Variants in IPO11 observed in about 807,000 individuals in gnomAD.
IPO11 encodes importin-11.
In IPO11, 66 loss-of-function variants were observed where a neutral mutation model predicts 143.2. The observed-to-expected ratio is 0.46, with a 90% CI of 0.38 to 0.57. The LOEUF is 0.57. IPO11 is among the 20% of genes least tolerant of loss of function. The pLI, the probability that IPO11 is intolerant of heterozygous loss-of-function variation, is 0.00. For synonymous variants in IPO11, 385 were observed against 377.8 expected (o/e 1.02, Z -0.22); for missense variants, 1,026 against 1,141.0 (o/e 0.90, Z 1.45).
At chr5:62,607,706 C>T (rs574404818) in intron 29 of IPO11, among the ~76,000 whole-genome samples, 56 of 152,056 alleles carry the variant, frequency 3.7e-4, no homozygotes, top group Non-Finnish European at 5.1e-4. Flanking sequence ...ATTCAGCTTA[C>T]ATGCAGTCCA....
At chr5:62,621,906 A>G (rs979090759) in intron 29 of IPO11, among the ~76,000 whole-genome samples, 1 of 152,144 alleles carries the variant, frequency 6.6e-6, no homozygotes, top group African/African-American at 2.4e-5. Flanking sequence ...AACATTTCCT[A>G]GTATGCACAC....
At chr5:62,609,148 T>G (rs1488571565) in intron 29 of IPO11, among the ~76,000 whole-genome samples, 1 of 152,224 alleles carries the variant, frequency 6.6e-6, no homozygotes, top group African/African-American at 2.4e-5. Flanking sequence ...AGATCCTCTC[T>G]AGCTTCTCTT....
intron 29 of IPO11, among the ~76,000 whole-genome samples, chr5:62,614,127 T>G (rs1428981337): frequency 6.6e-6 from 1 of 152,238 alleles, no homozygotes; most frequent in Non-Finnish European, 1.5e-5. Flanking sequence ...TGGAATAAAG[T>G]ACTTTAAAAT....
chr5:62,438,507 C>T (rs1363722860), intron 2 of IPO11, among the ~76,000 whole-genome samples: 1 of 152,210 alleles, frequency 6.6e-6, no homozygotes, highest in Non-Finnish European at 1.5e-5. Context: ...AATCCCAGCA[C>T]TTTGGGAGGC....
At chr5:62,448,389 A>G (rs759164960) in intron 3 of IPO11, among the ~76,000 whole-genome samples, 4 of 152,174 alleles carry the variant, frequency 2.6e-5, no homozygotes, top group Non-Finnish European at 5.9e-5. Flanking sequence ...TTGATGGTAG[A>G]TTACTGAAAC....
rs184392456 is a variant in IPO11, at chr5:62,579,342, A to T, written c.2583-12235A>T. Reference sequence around the variant, plus strand: ...TAGAATACAGAAGTTATAGTATTATAAAAAAAATTCATTTGATGAAGTTTT... The same window carrying T: ...TAGAATACAGAAGTTATAGTATTATTAAAAAAATTCATTTGATGAAGTTTT... On this transcript the variant is annotated intron_variant, in intron 27 of 29. Transcript: ENST00000325324. 1.5e-4 allele frequency: 158 copies of T among 1,073,480 alleles called. No homozygotes were observed. The African/African-American group carries it at 1.9e-3, about 13-fold the overall frequency. The allele number at this position is 1,073,480 out of a possible 1,614,324, so 66.5% of individuals were successfully genotyped here.
At chr5:62,425,237 C>T (rs1743685992) in intron 1 of IPO11, among the ~76,000 whole-genome samples, 1 of 152,200 alleles carries the variant, frequency 6.6e-6, no homozygotes, top group East Asian at 1.9e-4. Context: ...CTTCCTCCAA[C>T]CCTCCTTGGG....
chr5:62,576,691 G>C (rs945902040), intron 27 of IPO11, among the ~76,000 whole-genome samples: 1 of 152,214 alleles, frequency 6.6e-6, no homozygotes, highest in Non-Finnish European at 1.5e-5. Context: ...GCTGAGGGAA[G>C]AGGATCACTT....
At chr5:62,446,485 G>A (rs1326000855) in intron 3 of IPO11, among the ~76,000 whole-genome samples, 1 of 152,170 alleles carries the variant, frequency 6.6e-6, no homozygotes, top group Non-Finnish European at 1.5e-5. Context: ...TCATTCTGGT[G>A]AGCTTAGTAA....
intron 29 of IPO11, among the ~76,000 whole-genome samples, chr5:62,624,980 C>CAAAAAAAAA (rs141431600): frequency 1.1e-5 from 1 of 89,716 alleles, no homozygotes. Flanking sequence ...GCGAGAGACT[C>CAAAAAAAAA]AAAAAAAAAA....
intron 28 of IPO11, among the ~76,000 whole-genome samples, chr5:62,599,906 T>C (rs537849075): frequency 6.6e-6 from 1 of 152,356 alleles, no homozygotes; most frequent in Admixed American, 6.5e-5. Context: ...TAGTTGGAAA[T>C]TTTCCTGCAG....
intron 9 of IPO11, among the ~76,000 whole-genome samples, chr5:62,480,179 C>T (rs997626552): frequency 2.6e-5 from 4 of 152,190 alleles, no homozygotes; most frequent in Non-Finnish European, 1.5e-5. Flanking sequence ...TTTCCCAGCA[C>T]CATTTATTCA....
chr5:62,584,021 T>C (rs781099664), intron 27 of IPO11, among the ~76,000 whole-genome samples: 1 of 152,172 alleles, frequency 6.6e-6, no homozygotes. Context: ...AAATTGTAAT[T>C]AAAGTTGCAG....
chr5:62,420,927 A>G (rs766260785), intron 1 of IPO11, among the ~76,000 whole-genome samples: 8 of 152,192 alleles, frequency 5.3e-5, no homozygotes, highest in Non-Finnish European at 8.8e-5. Flanking sequence ...CACAAAATAT[A>G]TACTCAATTT....
At chr5:62,500,830 T>G (rs1741322322) in intron 16 of IPO11, among the ~76,000 whole-genome samples, 1 of 152,190 alleles carries the variant, frequency 6.6e-6, no homozygotes. Context: ...CTACTGGCTG[T>G]GCAGTAGATT....
chr5:62,499,810 C>T (rs185710517), intron 16 of IPO11, among the ~76,000 whole-genome samples: 162 of 152,052 alleles, frequency 1.1e-3, no homozygotes, highest in African/African-American at 3.6e-3. Context: ...TTTTATTTTA[C>T]AGTTTTTTCC....
rs247486 is a variant in IPO11 at position 62,435,214 on chromosome 5, A to G, written c.-6-2060A>G. ...TGTATATATATGTATATATATGTGTATATATATATATATCAGAGCAGCTGT... is the reference window on the plus strand; with the variant it reads ...TGTATATATATGTATATATATGTGTGTATATATATATATCAGAGCAGCTGT... On this transcript the variant is annotated intron_variant, in intron 1 of 29. Coordinates refer to ENST00000325324, the MANE Select transcript of IPO11 (RefSeq NM_016338.5). 8.1e-3 allele frequency among the ~76,000 whole-genome samples: 991 copies of G among 121,932 alleles called. 73 individuals are homozygous for G. Among genetic ancestry groups the G allele is most frequent in the Admixed American group, 0.018 (227 of 12,422 alleles). The allele number at this position is 121,932 out of a possible 152,430, so 80.0% of individuals were successfully genotyped here. A position where few individuals can be genotyped will look rare whatever the true frequency, so the allele number is the denominator to read the frequency against.
intron 22 of IPO11, among the ~76,000 whole-genome samples, chr5:62,535,186 G>C (rs1742695120): frequency 6.6e-6 from 1 of 152,002 alleles, no homozygotes; most frequent in South Asian, 2.1e-4. Context: ...TGTAGGAAGA[G>C]ACGGGCTCTT....
At position 62,460,032 on chromosome 5, in the gene IPO11, TCTGA is replaced by T; in HGVS notation, c.517-7096_517-7093del. Among the ~76,000 whole-genome samples the T allele has an allele frequency of 2.0e-5, 3 of 152,368 alleles. No homozygotes were observed. In the Middle Eastern group the frequency reaches 0.01, roughly 518 times the overall value. ...AGTCAACATTTTGCTGTTTTTGCTT[TCTGA>T]CTTTTTTTGAGCTATTTTAAAGGAA... On this transcript the variant is annotated intron_variant, in intron 5 of 29. Coordinates refer to ENST00000325324, the MANE Select transcript of IPO11 (RefSeq NM_016338.5).
Sources: allele counts gnomAD v4.1 joint callset (sites outside exome capture counted in the v4.1 genomes callset), GRCh38; gene constraint gnomAD v4.1.1; transcripts MANE v1.5; gene names NCBI Gene and HGNC (gene_info 2026-07-23, HGNC 2026-07-21).